The following ZC3H12B variants were observed in gnomAD, a reference collection of about 807,000 sequenced individuals.
ZC3H12B encodes zinc finger CCCH-type containing 12B, also known as probable ribonuclease ZC3H12B.
ZC3H12B carries 7 observed loss-of-function variants against 43.9 expected under a neutral mutation model. That is an observed-to-expected ratio of 0.16 (90% CI 0.09 to 0.30). ZC3H12B has a LOEUF of 0.30. Among genes scored for constraint, ZC3H12B ranks in the 10% least tolerant of loss-of-function variants. The probability of loss-of-function intolerance (pLI) is 1.00; values close to 1 mark genes in which losing one functional copy is unlikely to be tolerated. For synonymous variants in ZC3H12B, 222 were observed against 241.7 expected (o/e 0.92, Z 0.76); for missense variants, 475 against 670.2 (o/e 0.71, Z 3.22).
chrX:65,211,094 A>T, the ZC3H12B span, among the ~76,000 whole-genome samples: 3 of 105,664 alleles, frequency 2.8e-5, no homozygotes, highest in Non-Finnish European at 5.8e-5. Flanking sequence ...GAAAGAAAAA[A>T]AAAAAAAAAA....
chrX:65,096,068 A>G, the ZC3H12B span, among the ~76,000 whole-genome samples: 16 of 111,584 alleles, frequency 1.4e-4, no homozygotes, highest in African/African-American at 5.2e-4. Flanking sequence ...GATATGGCAG[A>G]AATATTATAA....
At chrX:65,172,083 G>A in the ZC3H12B span, among the ~76,000 whole-genome samples, 2 of 112,477 alleles carry the variant, frequency 1.8e-5, no homozygotes, top group Non-Finnish European at 3.8e-5. Context: ...TGGAAATGCA[G>A]AAATCACTCG....
chrX:65,389,433 G>A (rs924970880), intron 2 of ZC3H12B, among the ~76,000 whole-genome samples: 18 of 112,604 alleles, frequency 1.6e-4, no homozygotes, highest in Middle Eastern at 4.6e-3. Context: ...GACTCTCCAA[G>A]CCAGGCACGG....
chrX:65,212,263 T>A, the ZC3H12B span, among the ~76,000 whole-genome samples: 3 of 46,385 alleles, frequency 6.5e-5, no homozygotes, highest in Admixed American at 4.1e-4. Context: ...ATATAATATA[T>A]TATATAATAT....
the ZC3H12B span, among the ~76,000 whole-genome samples, chrX:65,281,680 G>C: frequency 1.8e-5 from 2 of 112,265 alleles, no homozygotes; most frequent in Non-Finnish European, 3.8e-5. Context: ...ACTCAAAATT[G>C]ACCAAACACC....
At chrX:65,114,686 A>G in the ZC3H12B span, among the ~76,000 whole-genome samples, 1 of 110,362 alleles carries the variant, frequency 9.1e-6, no homozygotes, top group African/African-American at 3.3e-5. Flanking sequence ...AGAGAACCAG[A>G]TATTTGTTTA....
At chrX:65,406,084 T>A (rs2066817489) in intron 3 of ZC3H12B, among the ~76,000 whole-genome samples, 3 of 111,559 alleles carry the variant, frequency 2.7e-5, no homozygotes, top group Admixed American at 9.5e-5. Flanking sequence ...CTGGTACCCA[T>A]CCTACTAAAA....
At chrX:65,155,195 C>T in the ZC3H12B span, among the ~76,000 whole-genome samples, 1 of 110,522 alleles carries the variant, frequency 9.0e-6, no homozygotes, top group Non-Finnish European at 1.9e-5. Context: ...TGAACTCAAG[C>T]CATCTGCCCA....
chrX:65,349,879 A>AT, the ZC3H12B span, among the ~76,000 whole-genome samples: 1 of 112,032 alleles, frequency 8.9e-6, no homozygotes, highest in East Asian at 2.8e-4. Flanking sequence ...ACAACCAAAA[A>AT]AAAGTCCAGG....
At chrX:65,277,236 AAG>A in the ZC3H12B span, among the ~76,000 whole-genome samples, 1 of 111,873 alleles carries the variant, frequency 8.9e-6, no homozygotes, top group African/African-American at 3.2e-5. Context: ...ACTAAATCTA[AAG>A]AGAGAGATAG....
chrX:65,228,770 A>C, the ZC3H12B span, among the ~76,000 whole-genome samples: 2 of 111,666 alleles, frequency 1.8e-5, no homozygotes, highest in African/African-American at 6.5e-5. Flanking sequence ...TCATAAGTGA[A>C]CTCCCATTCA....
chrX:65,209,694 A>G, the ZC3H12B span, among the ~76,000 whole-genome samples: 4 of 110,366 alleles, frequency 3.6e-5, no homozygotes, highest in East Asian at 1.1e-3. Flanking sequence ...TAACCAAAAC[A>G]GCATGGTACT....
chrX:65,324,161 G>A, the ZC3H12B span, among the ~76,000 whole-genome samples: 1 of 112,157 alleles, frequency 8.9e-6, no homozygotes, highest in Admixed American at 9.5e-5. Flanking sequence ...TCACTCTGAT[G>A]ATAGTTTCTT....
At chrX:65,502,868 C>T in exon 5 of ZC3H12B, 1 of 1,211,479 alleles carries the variant, frequency 8.3e-7, no homozygotes, top group Non-Finnish European at 1.1e-6. Context: ...TCCCCTGTGC[C>T]GGGAACAGCA....
chrX:65,218,754 A>G, the ZC3H12B span, among the ~76,000 whole-genome samples: 9 of 111,477 alleles, frequency 8.1e-5, no homozygotes, highest in African/African-American at 2.0e-4. Context: ...CAAAAGAAAA[A>G]GGACATATCT....
the ZC3H12B span, among the ~76,000 whole-genome samples, chrX:65,188,234 C>T: frequency 9.0e-6 from 1 of 111,377 alleles, no homozygotes; most frequent in African/African-American, 3.3e-5. Flanking sequence ...GTTGCTTCCA[C>T]ATTTTGGCTA....
the ZC3H12B span, among the ~76,000 whole-genome samples, chrX:65,093,575 G>A: frequency 8.9e-6 from 1 of 112,420 alleles, no homozygotes; most frequent in Admixed American, 9.4e-5. Context: ...TGGATTCAAA[G>A]TAGATTATTT....
exon 5 of ZC3H12B, chrX:65,505,818 C>T (rs1424992423): frequency 8.9e-6 from 1 of 112,588 alleles, no homozygotes; most frequent in Non-Finnish European, 1.9e-5. Flanking sequence ...AAGCTCCTCC[C>T]AATACAGAAA....
chrX:65,212,208 A>T, the ZC3H12B span, among the ~76,000 whole-genome samples: 9 of 48,528 alleles, frequency 1.9e-4, no homozygotes, highest in Non-Finnish European at 2.3e-4. Flanking sequence ...TAATTATTAT[A>T]TAATATATTA....
Sources: gnomAD v4.1 joint callset for allele counts (sites outside exome capture counted in the v4.1 genomes callset) on GRCh38, gnomAD v4.1.1 for gene constraint, MANE v1.5 for transcripts, NCBI Gene and HGNC (gene_info 2026-07-23, HGNC 2026-07-21) for gene names.